Variants in CENPO observed in about 807,000 individuals in gnomAD.
CENPO encodes centromere protein O.
Under a neutral mutation model 36.1 loss-of-function variants are expected in CENPO, and 30 were observed. The ratio of observed to expected loss-of-function variants is 0.83; its 90% CI spans 0.62 to 1.13. The LOEUF (loss-of-function observed/expected upper bound fraction) is 1.13. CENPO is among the 50% of genes most tolerant of loss of function. The probability of loss-of-function intolerance (pLI) is 0.00; values close to 1 mark genes in which losing one functional copy is unlikely to be tolerated. For missense variants in CENPO, 349 were observed against 357.8 expected (o/e 0.98, Z 0.20); for synonymous variants, 171 against 142.3 (o/e 1.20, Z -1.44).
At chr2:24,818,182 A>G (rs1193972413) in intron 7 of CENPO, among the ~76,000 whole-genome samples, 3 of 152,246 alleles carry the variant, frequency 2.0e-5, no homozygotes, top group Non-Finnish European at 2.9e-5. Context: ...CAGGCAATTA[A>G]GTTGTCACAG....
At chr2:24,803,798 A>T (rs1666259370) in intron 3 of CENPO, among the ~76,000 whole-genome samples, 1 of 152,114 alleles carries the variant, frequency 6.6e-6, no homozygotes. Context: ...AAAAAAATGT[A>T]TATTCTGTTG....
intron 3 of CENPO, among the ~76,000 whole-genome samples, chr2:24,808,966 G>A (rs942264313): frequency 6.6e-6 from 1 of 151,470 alleles, no homozygotes; most frequent in African/African-American, 2.4e-5. Flanking sequence ...GAATTCCCCG[G>A]TGAAGCTCTT....
chr2:24,822,293 G>T lies in CENPO; in HGVS notation c.*2975G>T. On this transcript the variant is annotated 3_prime_UTR_variant, in exon 8 of 8. Coordinates refer to ENST00000380834, the MANE Select transcript of CENPO (RefSeq NM_001322101.2). ...CACAGAACACAACCATCTTAGGCCT[G>T]AGCTGTGAACAGCAGGGGGTTGTGT... The T allele has an allele frequency of 1.7e-6, 1 of 572,026 alleles. No homozygotes were observed. The highest frequency in any genetic ancestry group is 3.0e-6 in the Non-Finnish European group (1 of 337,962). The allele number at this position is 572,026 out of a possible 1,614,324, so 35.4% of individuals were successfully genotyped here.
At chr2:24,814,700 C>A in intron 4 of CENPO, 4 of 547,088 alleles carry the variant, frequency 7.3e-6, no homozygotes, top group Non-Finnish European at 9.8e-6. Context: ...GATTGACTGG[C>A]CCCTTTGTAC....
intron 2 of CENPO, among the ~76,000 whole-genome samples, chr2:24,798,592 C>CT (rs1666019492): frequency 6.6e-6 from 1 of 151,862 alleles, no homozygotes; most frequent in Non-Finnish European, 1.5e-5. Flanking sequence ...TCCTGAGTAG[C>CT]TGGGACTACA....
intron 3 of CENPO, among the ~76,000 whole-genome samples, chr2:24,808,291 C>T (rs1015957295): frequency 1.3e-5 from 2 of 152,140 alleles, no homozygotes; most frequent in Non-Finnish European, 2.9e-5. Flanking sequence ...ATCCGGCACC[C>T]TCCACCTCCT....
chr2:24,820,745 C>T lies in CENPO; in HGVS notation c.*1427C>T, dbSNP rs761523411. On this transcript the variant is annotated 3_prime_UTR_variant, in exon 8 of 8. Transcript: ENST00000380834. ...ATACCTGAATGTTGCCCATGACCCC[C>T]GTGGACTCCATCCTGCTGGCTACAT... is the stretch of plus-strand genomic sequence containing the variant. 28 of 1,613,976 alleles carry T rather than the reference C, an allele frequency of 1.7e-5. No homozygotes were observed. The highest frequency in any genetic ancestry group is 1.6e-4 in the Middle Eastern group (1 of 6,084).
chr2:24,799,874 T>C, intron 3 of CENPO, 30 bp downstream of exon 3: 1 of 1,608,984 alleles, frequency 6.2e-7, no homozygotes, highest in Non-Finnish European at 8.5e-7. Context: ...CAGCAGTTCC[T>C]TTAGAGTATA....
intron 3 of CENPO, among the ~76,000 whole-genome samples, chr2:24,800,686 A>G (rs111850715): frequency 4.6e-5 from 7 of 152,118 alleles, no homozygotes; most frequent in African/African-American, 9.6e-5. Flanking sequence ...GTAATATTCC[A>G]TGGTGTATAT....
rs2148342153 is a variant in CENPO at position 24,821,318 on chromosome 2, A to T, written c.*2000A>T. On this transcript the variant is annotated 3_prime_UTR_variant, in exon 8 of 8. Coordinates refer to ENST00000380834, the MANE Select transcript of CENPO (RefSeq NM_001322101.2). ...GTAGGCACAGTATAGTCGGATCATC[A>T]CATCAGCTGGGTTTTTGGTTTAGTC... 4 of 681,408 alleles carry T rather than the reference A, an allele frequency of 5.9e-6. No homozygotes were observed. In the East Asian group the frequency reaches 1.1e-4, roughly 19 times the overall value. The allele number at this position is 681,408 out of a possible 1,614,324, so 42.2% of individuals were successfully genotyped here.
intron 2 of CENPO, among the ~76,000 whole-genome samples, chr2:24,797,073 G>C (rs537061184): frequency 6.6e-6 from 1 of 152,324 alleles, no homozygotes; most frequent in East Asian, 1.9e-4. Flanking sequence ...TTCAGTGTAT[G>C]GGCCACCTAG....
Position 24,799,974 on chromosome 2 carries a change from A to G in CENPO, c.216+130A>G, listed in dbSNP as rs1051973311. 5.8e-6 allele frequency: 6 copies of G among 1,037,200 alleles called. No individual in the cohort carries two copies. In the African/African-American group the frequency reaches 7.9e-5, roughly 14 times the overall value. The allele number at this position is 1,037,200 out of a possible 1,614,324, so 64.2% of individuals were successfully genotyped here. A position where few individuals can be genotyped will look rare whatever the true frequency, so the allele number is the denominator to read the frequency against. ...CTTACTGGATTGATTGCAGTCCTTGATCCCTCAAATGATCAAACCTGTAGA... is the reference window on the plus strand; with the variant it reads ...CTTACTGGATTGATTGCAGTCCTTGGTCCCTCAAATGATCAAACCTGTAGA... On this transcript the variant is annotated intron_variant, in intron 3 of 7. Coordinates refer to ENST00000380834, the MANE Select transcript of CENPO (RefSeq NM_001322101.2).
At position 24,793,473 on chromosome 2, in the gene CENPO, G is replaced by C. The variant is rs769947918; in HGVS notation, c.-97G>C. On this transcript the variant is annotated 5_prime_UTR_variant, in exon 1 of 8. Coordinates refer to ENST00000380834, the MANE Select transcript of CENPO (RefSeq NM_001322101.2). ...CGGTTGGTTTGGTTTTGAAGACGTG[G>C]ATGGCGGGAATTCTCGCTTCTGGCC... 3 of 1,603,968 alleles carry C rather than the reference G, an allele frequency of 1.9e-6. No homozygotes were observed. In the Admixed American group the frequency reaches 5.1e-5, roughly 27 times the overall value.
At position 24,820,030 on chromosome 2, in the gene CENPO, C is replaced by T. The variant is rs1345925393; in HGVS notation, c.*712C>T. On this transcript the variant is annotated 3_prime_UTR_variant, in exon 8 of 8. Coordinates refer to ENST00000380834, the MANE Select transcript of CENPO (RefSeq NM_001322101.2). ...CCCTTCAAGAAGAAGGTCAGCAGCT[C>T]CCCCTTCCCCTTCACAAAGATGGGG... The T allele has an allele frequency of 6.2e-7, 1 of 1,609,304 alleles. No homozygotes were observed. Among genetic ancestry groups the T allele is most frequent in the Non-Finnish European group, 8.5e-7 (1 of 1,177,992 alleles).
chr2:24,821,034 G>C lies in CENPO; in HGVS notation c.*1716G>C, dbSNP rs1667589282. ...CTCCTGTTTATCCGTGTGCTTGTTA[G>C]GTGTCAGCCGCCACCCCCCCCCCAT... On this transcript the variant is annotated 3_prime_UTR_variant, in exon 8 of 8. Coordinates refer to ENST00000380834, the MANE Select transcript of CENPO (RefSeq NM_001322101.2). 1.1e-5 allele frequency: 9 copies of C among 814,834 alleles called. No individual in the cohort carries two copies. Among genetic ancestry groups the C allele is most frequent in the Non-Finnish European group, 1.6e-5 (9 of 545,612 alleles). The allele number at this position is 814,834 out of a possible 1,614,324, so 50.5% of individuals were successfully genotyped here.
At position 24,821,417 on chromosome 2, in the gene CENPO, T is replaced by G. The variant is rs1224965108; in HGVS notation, c.*2099T>G. On this transcript the variant is annotated 3_prime_UTR_variant, in exon 8 of 8. Transcript: ENST00000380834. ...AGTGCGTGAACCTCCCCACCCGAATTGCCTCAGTTGTCCTGAGCCTCATGT... is the reference window on the plus strand; with the variant it reads ...AGTGCGTGAACCTCCCCACCCGAATGGCCTCAGTTGTCCTGAGCCTCATGT... 6.6e-6 allele frequency: 10 copies of G among 1,510,088 alleles called. No individual in the cohort carries two copies. Among genetic ancestry groups the G allele is most frequent in the Non-Finnish European group, 8.1e-6 (9 of 1,116,484 alleles). The allele number at this position is 1,510,088 out of a possible 1,614,324, so 93.5% of individuals were successfully genotyped here.
intron 5 of CENPO, 55 bp from the exon 6 acceptor site, chr2:24,816,591 C>A: frequency 1.5e-6 from 2 of 1,325,220 alleles, no homozygotes; most frequent in Non-Finnish European, 2.0e-6. Context: ...TCAGTAAACA[C>A]CACCTTTGGA....
chr2:24,798,504 A>G (rs1666015058), intron 2 of CENPO, among the ~76,000 whole-genome samples: 2 of 151,840 alleles, frequency 1.3e-5, no homozygotes, highest in Admixed American at 6.6e-5. Context: ...TCTGTCACCT[A>G]GGCTGGAGTG....
At chr2:24,802,321 C>T (rs1264426187) in intron 3 of CENPO, among the ~76,000 whole-genome samples, 1 of 151,996 alleles carries the variant, frequency 6.6e-6, no homozygotes, top group Middle Eastern at 3.2e-3. Context: ...CCCTTTATTT[C>T]CTTCTCCTGC....
Sources: gnomAD v4.1 joint callset for allele counts (sites outside exome capture counted in the v4.1 genomes callset) on GRCh38, gnomAD v4.1.1 for gene constraint, MANE v1.5 for transcripts, NCBI Gene and HGNC (gene_info 2026-07-23, HGNC 2026-07-21) for gene names.